Variants in SETD2 observed in about 807,000 individuals in gnomAD.
The protein encoded by SETD2 is SET domain containing 2, histone lysine methyltransferase.
In SETD2, 31 loss-of-function variants were observed where a neutral mutation model predicts 242.1. That is an observed-to-expected ratio of 0.13 (90% CI 0.10 to 0.17). The LOEUF (loss-of-function observed/expected upper bound fraction) is 0.17. Among genes scored for constraint, SETD2 ranks in the 10% least tolerant of loss-of-function variants. The pLI is 1.00. For missense variants in SETD2, 2,481 were observed against 3,046.3 expected (o/e 0.81, Z 4.37); for synonymous variants, 1,006 against 1,066.5 (o/e 0.94, Z 1.11).
chr3:47,119,750 G>A (rs760569199), intron 3 of SETD2: 9 of 457,016 alleles, frequency 2.0e-5, no homozygotes, highest in Admixed American at 4.8e-5. Flanking sequence ...GCATGAAAAC[G>A]GACTAATACA....
chr3:47,018,901 C>A (rs559806555), intron 19 of SETD2, among the ~76,000 whole-genome samples: 52 of 152,314 alleles, frequency 3.4e-4, no homozygotes, highest in African/African-American at 1.2e-3. Context: ...AAGTTAGATC[C>A]CCTGCTGATC....
chr3:47,017,763 C>T lies in SETD2; in HGVS notation c.7432-24G>A, dbSNP rs202110651. On this transcript the variant is annotated intron_variant, in intron 19 of 20. Coordinates refer to ENST00000409792, the MANE Select transcript of SETD2 (RefSeq NM_014159.7). This position sits in a 1 kb window ranked among gnomAD's most constrained non-coding sequence, Gnocchi z 4.8. ...ATCTGCAGGCAGAGAAAAGAGAACA[C>T]GTTGCTCAACAGTCCAGAGAGGGCA... 44 of 1,538,546 alleles carry T rather than the reference C, an allele frequency of 2.9e-5. No homozygotes were observed. Among genetic ancestry groups the T allele is most frequent in the East Asian group, 2.7e-4 (12 of 44,530 alleles).
At chr3:47,059,407 C>T (rs1405180829) in intron 14 of SETD2, among the ~76,000 whole-genome samples, 1 of 151,410 alleles carries the variant, frequency 6.6e-6, no homozygotes, top group African/African-American at 2.4e-5. Flanking sequence ...TGAGCCACTG[C>T]GCTCGGCCGC....
In SETD2 at chr3:47,122,017, A is replaced by G. The variant is rs776420348; in HGVS notation, c.2619T>C (p.Pro873=). 1 of 1,613,872 alleles carries G rather than the reference A, an allele frequency of 6.2e-7. No homozygotes were observed. The highest frequency in any genetic ancestry group is 1.1e-5 in the South Asian group (1 of 91,080). ...ATGAAGCAATACCTGAACTCCCAAT[A>G]GGTTGATATAAATCATCAAAATGAT... The part of the protein sequence containing the change: ...SVNHFDDLYQ[P]IGSSGIASSL... Residue 873 remains proline, a synonymous_variant, in exon 3 of 21, where the codon CCT becomes CCC. Transcript: ENST00000409792.
chr3:47,145,533 G>C, intron 1 of SETD2: 1 of 420,682 alleles, frequency 2.4e-6, no homozygotes. Flanking sequence ...GGGACTACAG[G>C]TGCATGCCAC....
At chr3:47,085,089 C>T (rs1168153570) in intron 11 of SETD2, among the ~76,000 whole-genome samples, 3 of 152,114 alleles carry the variant, frequency 2.0e-5, no homozygotes, top group African/African-American at 7.2e-5. Context: ...AAGAGTAGTG[C>T]AGTTTTGCTA....
At chr3:47,028,468 G>A (rs2038607177) in intron 18 of SETD2, among the ~76,000 whole-genome samples, 1 of 152,272 alleles carries the variant, frequency 6.6e-6, no homozygotes, top group South Asian at 2.1e-4. Context: ...TCCCAGACAG[G>A]TGATGCCTTA....
Position 47,124,524 on chromosome 3 carries a change from T to C in SETD2, c.112A>G (p.Thr38Ala), listed in dbSNP as rs2106729838. 1 of 1,543,640 alleles carries C rather than the reference T, an allele frequency of 6.5e-7. No homozygotes were observed. Among genetic ancestry groups the C allele is most frequent in the East Asian group, 2.5e-5 (1 of 40,784 alleles). The part of the protein sequence containing the change: ...NEAKIENVQK[T>A]GFIKGPMFKG... ...AACATTGGTCCTTTGATGAAACCTG[T>C]TTTCTGCACATTTTCAATCTTTGCC... Residue 38 changes from threonine (T) to alanine (A), a missense_variant, in exon 3 of 21, where the codon ACA (threonine) becomes GCA (alanine). Transcript: ENST00000409792.
chr3:47,139,582 G>A (rs1272155556), intron 1 of SETD2, among the ~76,000 whole-genome samples: 2 of 152,054 alleles, frequency 1.3e-5, no homozygotes, highest in Non-Finnish European at 2.9e-5. Flanking sequence ...AACAGTACTA[G>A]TTTTTAGCTT....
At chr3:47,067,207 A>G (rs1353626617) in intron 12 of SETD2, 89 bp from the exon 13 acceptor site, 2 of 980,162 alleles carry the variant, frequency 2.0e-6, no homozygotes, top group Non-Finnish European at 3.3e-6. Context: ...GACAATAAAG[A>G]AATGGAAAGT....
intron 3 of SETD2, among the ~76,000 whole-genome samples, 196 bp downstream of exon 3, chr3:47,119,986 G>A (rs1014338818): frequency 2.6e-5 from 4 of 151,938 alleles, no homozygotes; most frequent in Non-Finnish European, 4.4e-5. Flanking sequence ...CTGGGGATGG[G>A]GCGGCGGGGG....
At chr3:47,128,437 C>A (rs2043399093) in intron 1 of SETD2, among the ~76,000 whole-genome samples, 1 of 152,204 alleles carries the variant, frequency 6.6e-6, no homozygotes, top group Admixed American at 6.5e-5. Context: ...ACTCATTGGA[C>A]TATGTGGCAA....
intron 18 of SETD2, among the ~76,000 whole-genome samples, chr3:47,037,281 T>TC (rs71619670): frequency 3.8e-5 from 1 of 25,980 alleles, no homozygotes; most frequent in Admixed American, 4.6e-4. Context: ...CCCTCCCCCC[T>TC]CCCCCCCACC....
At chr3:47,103,968 C>T (rs1388140848) in intron 6 of SETD2, among the ~76,000 whole-genome samples, 2 of 152,190 alleles carry the variant, frequency 1.3e-5, no homozygotes, top group Admixed American at 6.5e-5. Flanking sequence ...TGGTATAATA[C>T]TTCACTTTAA....
chr3:47,111,203 A>G (rs899940000), intron 5 of SETD2, among the ~76,000 whole-genome samples: 1 of 151,724 alleles, frequency 6.6e-6, no homozygotes, highest in Non-Finnish European at 1.5e-5. Context: ...TGGAAATTCA[A>G]TGGGCTGCTT....
intron 16 of SETD2, among the ~76,000 whole-genome samples, chr3:47,044,381 A>AAAAAAAAAAAAAAAAAAAAAC (rs2039426110): frequency 7.7e-6 from 1 of 129,522 alleles, no homozygotes; most frequent in African/African-American, 2.9e-5. Flanking sequence ...AAAAAAAAAA[A>AAAAAAAAAAAAAAAAAAAAAC]AAAAAGGCCT....
intron 1 of SETD2, among the ~76,000 whole-genome samples, chr3:47,148,442 T>C (rs998785674): frequency 3.9e-5 from 6 of 152,112 alleles, no homozygotes; most frequent in African/African-American, 1.2e-4. Context: ...TGAAACTTTA[T>C]TGAAACAGAA....
At chr3:47,152,870 C>T (rs1183633100) in intron 1 of SETD2, among the ~76,000 whole-genome samples, 3 of 152,154 alleles carry the variant, frequency 2.0e-5, no homozygotes, top group Non-Finnish European at 2.9e-5. Flanking sequence ...CACATCATCC[C>T]AAGGATATTT....
chr3:47,042,485 TA>T, intron 17 of SETD2, 75 bp downstream of exon 17: 1 of 1,468,178 alleles, frequency 6.8e-7, no homozygotes, highest in Non-Finnish European at 9.5e-7. Flanking sequence ...TTTACAACTG[TA>T]AAACTCCCCT....
Sources: gnomAD v4.1 joint callset for allele counts (sites outside exome capture counted in the v4.1 genomes callset) on GRCh38, gnomAD v4.1.1 for gene constraint, Gnocchi (gnomAD v3.1) non-coding constraint, MANE v1.5 for transcripts, NCBI Gene and HGNC (gene_info 2026-07-23, HGNC 2026-07-21) for gene names.